The following ZPLD1 variants were observed in gnomAD, a reference collection of about 807,000 sequenced individuals.
ZPLD1 encodes the protein zona pellucida like domain containing 1, also known as zona pellucida-like domain-containing protein 1.
ZPLD1 carries 34 observed loss-of-function variants against 47.2 expected under a neutral mutation model. The observed-to-expected ratio is 0.72, with a 90% CI of 0.55 to 0.96. The LOEUF (loss-of-function observed/expected upper bound fraction) is 0.96, where lower values mean the gene tolerates loss of function less well. Ranked by LOEUF, ZPLD1 falls within the 40% of genes least tolerant of loss-of-function variation. ZPLD1 has a pLI of 0.00. For missense variants in ZPLD1, 512 were observed against 505.8 expected (o/e 1.01, Z -0.12); for synonymous variants, 176 against 186.2 (o/e 0.95, Z 0.45).
upstream of ZPLD1, among the ~76,000 whole-genome samples, chr3:102,432,648 T>C (rs1707030169): frequency 6.6e-6 from 1 of 152,202 alleles, no homozygotes; most frequent in South Asian, 2.1e-4. Flanking sequence ...ACAGGGGTGC[T>C]ATTTAATAAA....
chr3:102,477,063 G>A (rs202128088), intron 11 of ZPLD1, 22 bp downstream of exon 11: 18 of 1,612,810 alleles, frequency 1.1e-5, no homozygotes, highest in Middle Eastern at 1.7e-4. Flanking sequence ...AACATATTTT[G>A]CAATGTTTTT....
At chr3:102,452,842 A>G (rs1167800652) in intron 3 of ZPLD1, 77 bp from the exon 4 acceptor site, 5 of 1,463,798 alleles carry the variant, frequency 3.4e-6, no homozygotes, top group African/African-American at 1.4e-5. Context: ...ATGAATAAAT[A>G]TATCAGTAGG....
At chr3:102,470,548 A>T (rs753244199) in intron 10 of ZPLD1, 46 bp downstream of exon 10, 5 of 1,504,330 alleles carry the variant, frequency 3.3e-6, no homozygotes, top group Non-Finnish European at 4.6e-6. Context: ...CGGTTCCAAA[A>T]TGCCTCGTTA....
intron 8 of ZPLD1, among the ~76,000 whole-genome samples, chr3:102,419,682 C>T (rs1483285125): frequency 5.3e-5 from 8 of 151,192 alleles, no homozygotes; most frequent in Non-Finnish European, 3.0e-5. Flanking sequence ...AACTTTTGAA[C>T]CACTGAACTG....
chr3:102,405,716 A>T (rs1264386277), intron 7 of ZPLD1, among the ~76,000 whole-genome samples: 1 of 151,958 alleles, frequency 6.6e-6, no homozygotes, highest in Non-Finnish European at 1.5e-5. Context: ...TCTAATTCTG[A>T]TTTTTTTAAA....
At chr3:102,423,468 A>G (rs1394073978) in intron 8 of ZPLD1, among the ~76,000 whole-genome samples, 2 of 152,124 alleles carry the variant, frequency 1.3e-5, no homozygotes, top group African/African-American at 4.8e-5. Flanking sequence ...GATGCAGACC[A>G]TTATATTATC....
intron 9 of ZPLD1, among the ~76,000 whole-genome samples, chr3:102,469,913 T>A (rs142807773): frequency 1.2e-4 from 18 of 152,336 alleles, no homozygotes; most frequent in African/African-American, 2.6e-4. Flanking sequence ...TGCCCTTTTT[T>A]AATTTGAAAT....
intron 5 of ZPLD1, 65 bp from the exon 6 acceptor site, chr3:102,457,716 A>C (rs2107341665): frequency 7.0e-7 from 1 of 1,433,756 alleles, no homozygotes; most frequent in East Asian, 2.3e-5. Flanking sequence ...TTTAAGTCTA[A>C]CATCTAGGTA....
intron 3 of ZPLD1, among the ~76,000 whole-genome samples, chr3:102,440,739 A>G (rs1018013939): frequency 6.6e-6 from 1 of 151,366 alleles, no homozygotes; most frequent in Non-Finnish European, 1.5e-5. Flanking sequence ...GGGAAAAAAA[A>G]AAAAAAAAAA....
chr3:102,465,659 T>C (rs1339857961), intron 8 of ZPLD1, among the ~76,000 whole-genome samples: 1 of 152,128 alleles, frequency 6.6e-6, no homozygotes, highest in African/African-American at 2.4e-5. Context: ...ACTTCTAGTG[T>C]GAATATAGAA....
At chr3:102,439,295 A>G (rs1707139092) in intron 3 of ZPLD1, among the ~76,000 whole-genome samples, 1 of 152,250 alleles carries the variant, frequency 6.6e-6, no homozygotes. Flanking sequence ...CGTGGTTTAC[A>G]TTCTCAAAAC....
At position 102,477,020 on chromosome 3, in the gene ZPLD1, C is replaced by G. The variant is rs749708892; in HGVS notation, c.1051C>G (p.Pro351Ala). 2.5e-6 allele frequency: 4 copies of G among 1,613,612 alleles called. No homozygotes were observed. The South Asian group carries it at 4.4e-5, about 18-fold the overall frequency. ...GPIITRSDETPTNNSQLGSPS... is the reference protein window; with the variant it reads ...GPIITRSDETATNNSQLGSPS... ...CTGTTTTTTCCCCTCAGATGAGACT[C>G]CAACCAACAATTCGCAACTTGGTAA... The change falls in exon 11 of 12, where the codon CCA becomes GCA. Residue 351 changes from proline to alanine, a missense_variant. Pro to Ala is a conservative substitution (Grantham distance 27). Coordinates refer to ENST00000466937, the MANE Select transcript of ZPLD1 (RefSeq NM_001329788.2).
rs770924595 is a variant in ZPLD1 at position 102,453,081 on chromosome 3, C to A, written c.269C>A (p.Ala90Glu). ...RGFINNNTFP[A>E]VVIFIINLST... ...TTCATCAATAACAACACCTTTCCAG[C>A]AGTGGTCATTTTTATCATCAATCTC... Residue 90 changes from alanine (A) to glutamate (E), a missense_variant, in exon 4 of 12, where the codon GCA becomes GAA. Coordinates refer to ENST00000466937, the MANE Select transcript of ZPLD1 (RefSeq NM_001329788.2). The A allele has an allele frequency of 6.2e-7, 1 of 1,613,922 alleles. No individual in the cohort carries two copies. Among genetic ancestry groups the A allele is most frequent in the Non-Finnish European group, 8.5e-7 (1 of 1,179,990 alleles).
chr3:102,395,252 A>G lies in ZPLD1; in HGVS notation c.-157+3027A>G, dbSNP rs530239842. ...GACTATGTTGCTTTACTTACCAAAT[A>G]TATATATATACACACACATATATAA... On this transcript the variant is annotated intron_variant, in intron 7 of 17. Coordinates refer to the ZPLD1 transcript ENST00000491959. 1.4e-4 allele frequency among the ~76,000 whole-genome samples: 22 copies of G among 151,924 alleles called. No individual in the cohort carries two copies. The South Asian group carries it at 2.7e-3, about 19-fold the overall frequency.
rs1190170473 is a variant in ZPLD1 at position 102,402,007 on chromosome 3, AT to A, written c.-157+9789del. 1.3e-4 allele frequency among the ~76,000 whole-genome samples: 19 copies of A among 151,992 alleles called. No individual in the cohort carries two copies. The South Asian group carries it at 1.9e-3, about 15-fold the overall frequency. Reference sequence around the variant, plus strand: ...TAATAAATGCGTTGTAAGTAAAGGCATTTTTTTCCCCTAGAGATTTGACTGC... The same window carrying A: ...TAATAAATGCGTTGTAAGTAAAGGCATTTTTTCCCCTAGAGATTTGACTGC... On this transcript the variant is annotated intron_variant, in intron 7 of 17. Transcript: ENST00000491959.
At chr3:102,471,330 C>T (rs200632331) in intron 10 of ZPLD1, among the ~76,000 whole-genome samples, 28 of 152,284 alleles carry the variant, frequency 1.8e-4, no homozygotes, top group African/African-American at 6.7e-4. Flanking sequence ...TAACTCTACT[C>T]TCTCTTGTGA....
intron 3 of ZPLD1, among the ~76,000 whole-genome samples, chr3:102,442,877 T>A (rs1477369464): frequency 6.6e-6 from 1 of 152,172 alleles, no homozygotes; most frequent in African/African-American, 2.4e-5. Flanking sequence ...GGTGGTTAAC[T>A]CTTGGTTATC....
chr3:102,431,524 A>T (rs768263266), upstream of ZPLD1, among the ~76,000 whole-genome samples: 1 of 152,182 alleles, frequency 6.6e-6, no homozygotes, highest in African/African-American at 2.4e-5. Flanking sequence ...CAAGTGCAAG[A>T]TAAAGATAAA....
chr3:102,393,360 T>A (rs1706521725), intron 7 of ZPLD1, among the ~76,000 whole-genome samples: 2 of 152,274 alleles, frequency 1.3e-5, no homozygotes, highest in South Asian at 4.1e-4. Context: ...CTCAAGTCGT[T>A]CTTCCATTAA....
Sources: allele counts gnomAD v4.1 joint callset (sites outside exome capture counted in the v4.1 genomes callset), GRCh38; gene constraint gnomAD v4.1.1; transcripts MANE v1.5; gene names NCBI Gene and HGNC (gene_info 2026-07-23, HGNC 2026-07-21).